The following CCBE1 variants were observed in gnomAD, a reference collection of about 807,000 sequenced individuals.
CCBE1 encodes the protein collagen and calcium-binding EGF domain-containing protein 1.
A neutral mutation model predicts 50.0 loss-of-function variants in CCBE1; 37 were observed. That is an observed-to-expected ratio of 0.74 (90% confidence interval 0.57 to 0.97). The LOEUF is 0.97. Among genes scored for constraint, CCBE1 ranks in the 50% least tolerant of loss-of-function variants. The pLI is 0.00. For missense variants in CCBE1, 538 were observed against 523.8 expected (o/e 1.03, Z -0.26); for synonymous variants, 234 against 203.7 (o/e 1.15, Z -1.27).
intron 2 of CCBE1, among the ~76,000 whole-genome samples, chr18:59,611,698 A>T (rs1202750577): frequency 2.0e-5 from 3 of 152,144 alleles, no homozygotes; most frequent in East Asian, 3.9e-4. Flanking sequence ...GTGAACCAAG[A>T]TTGTGCCACT....
intron 5 of CCBE1, among the ~76,000 whole-genome samples, chr18:59,456,154 G>C (rs1290675026): frequency 6.6e-6 from 1 of 152,156 alleles, no homozygotes; most frequent in Non-Finnish European, 1.5e-5. Context: ...CTCACAGGCT[G>C]GTCTTCTAGG....
chr18:59,436,115 C>T lies in CCBE1; in HGVS notation c.1014G>A (p.Leu338=). The change falls in exon 11 of 11, where the codon CTG becomes CTA. Residue 338 remains leucine, a synonymous_variant. Transcript: ENST00000439986. The stretch of plus-strand genomic sequence containing the variant: ...TGCGGATGTCAGCCAGCATAAGTAG[C>T]AGGAAGTCGAAAGAACCAGGGGGTC... ...SPGPPGSFDF[L]LLMLADIRND... The T allele has an allele frequency of 1.2e-6, 2 of 1,614,176 alleles. No individual in the cohort carries two copies. The highest frequency in any genetic ancestry group is 1.7e-6 in the Non-Finnish European group (2 of 1,180,036).
chr18:59,510,434 T>C (rs911740737), intron 2 of CCBE1, among the ~76,000 whole-genome samples: 1 of 152,208 alleles, frequency 6.6e-6, no homozygotes, highest in Admixed American at 6.5e-5. Context: ...AACTTTTTTT[T>C]TTTTGAGATG....
At chr18:59,619,199 T>C (rs1422248582) in intron 2 of CCBE1, among the ~76,000 whole-genome samples, 2 of 152,228 alleles carry the variant, frequency 1.3e-5, no homozygotes, top group African/African-American at 2.4e-5. Context: ...TAAAATAAAA[T>C]TTTAAAACGT....
At chr18:59,574,533 C>T (rs1029374578) in intron 2 of CCBE1, among the ~76,000 whole-genome samples, 1 of 152,122 alleles carries the variant, frequency 6.6e-6, no homozygotes, top group East Asian at 1.9e-4. Flanking sequence ...AACTTCCTCC[C>T]AAAAGTTATT....
At chr18:59,457,985 CCCAGGCT>C (rs1207961885) in intron 5 of CCBE1, among the ~76,000 whole-genome samples, 1 of 152,202 alleles carries the variant, frequency 6.6e-6, no homozygotes, top group East Asian at 1.9e-4. Flanking sequence ...GAAAAGATGA[CCCAGGCT>C]CCAGGTTTAT....
At chr18:59,586,294 G>A (rs753236811) in intron 2 of CCBE1, among the ~76,000 whole-genome samples, 3 of 152,182 alleles carry the variant, frequency 2.0e-5, no homozygotes, top group Non-Finnish European at 4.4e-5. Context: ...ACCACAGGGA[G>A]GCTAGTAGCA....
Position 59,588,253 on chromosome 18 carries a change from C to T in CCBE1, c.213-108015G>A, listed in dbSNP as rs374859812. Reference sequence around the variant, plus strand: ...CTGACATGTGTGCAGACCACATAACCACCACTTGGATTAAGAGGTAAATAT... The same window carrying T: ...CTGACATGTGTGCAGACCACATAACTACCACTTGGATTAAGAGGTAAATAT... On this transcript the variant is annotated intron_variant, in intron 2 of 10. Transcript: ENST00000439986. Among the ~76,000 whole-genome samples, 4 of 152,226 alleles carry T rather than the reference C, an allele frequency of 2.6e-5. No individual in the cohort carries two copies. In the South Asian group the frequency reaches 8.3e-4, roughly 32 times the overall value.
chr18:59,538,847 T>A (rs955569088), intron 2 of CCBE1, among the ~76,000 whole-genome samples: 1 of 152,074 alleles, frequency 6.6e-6, no homozygotes, highest in Non-Finnish European at 1.5e-5. Flanking sequence ...AACCAGCAGA[T>A]ATGGCAAGGT....
chr18:59,515,232 C>T (rs1219467355), intron 2 of CCBE1, among the ~76,000 whole-genome samples: 2 of 152,194 alleles, frequency 1.3e-5, no homozygotes, highest in Non-Finnish European at 1.5e-5. Flanking sequence ...GTAAAGTTTG[C>T]TAGCTGGCAT....
intron 2 of CCBE1, among the ~76,000 whole-genome samples, chr18:59,553,501 A>G (rs1175308349): frequency 6.6e-6 from 1 of 152,212 alleles, no homozygotes. Context: ...TGGTCCCTGA[A>G]TGGATATGGA....
At chr18:59,517,922 A>G (rs1459070320) in intron 2 of CCBE1, among the ~76,000 whole-genome samples, 3 of 152,210 alleles carry the variant, frequency 2.0e-5, no homozygotes, top group Non-Finnish European at 4.4e-5. Flanking sequence ...TCACAAGATC[A>G]TTATGTCCAG....
intron 2 of CCBE1, among the ~76,000 whole-genome samples, chr18:59,663,619 G>C (rs181556656): frequency 2.9e-4 from 44 of 152,010 alleles, no homozygotes; most frequent in African/African-American, 1.0e-3. Flanking sequence ...AGCAGAGCTG[G>C]GTACGTTTGG....
intron 2 of CCBE1, among the ~76,000 whole-genome samples, chr18:59,655,595 T>G (rs557139907): frequency 1.3e-5 from 2 of 152,346 alleles, no homozygotes; most frequent in Middle Eastern, 3.4e-3. Context: ...AATGCAGCCA[T>G]AGACAACATG....
At chr18:59,471,690 A>G (rs1912042262) in intron 3 of CCBE1, among the ~76,000 whole-genome samples, 1 of 152,212 alleles carries the variant, frequency 6.6e-6, no homozygotes, top group Non-Finnish European at 1.5e-5. Flanking sequence ...TGGAGACCAC[A>G]TTATTCCTGT....
At chr18:59,556,577 G>A (rs1051104530) in intron 2 of CCBE1, among the ~76,000 whole-genome samples, 1 of 152,182 alleles carries the variant, frequency 6.6e-6, no homozygotes, top group African/African-American at 2.4e-5. Context: ...CAGGGCACAA[G>A]TAGAAGGGCA....
chr18:59,627,191 G>A (rs1444717589), intron 2 of CCBE1, among the ~76,000 whole-genome samples: 1 of 152,126 alleles, frequency 6.6e-6, no homozygotes, highest in Admixed American at 6.5e-5. Context: ...ATCCTGCTTA[G>A]TTTCCTAGTG....
intron 2 of CCBE1, among the ~76,000 whole-genome samples, chr18:59,528,682 T>C (rs1598982345): frequency 6.6e-6 from 1 of 152,326 alleles, no homozygotes; most frequent in South Asian, 2.1e-4. Context: ...CTGTTGTTAT[T>C]GCTGTTTGTT....
chr18:59,678,661 TAACA>T (rs199554435), intron 2 of CCBE1, among the ~76,000 whole-genome samples: 6,455 of 152,208 alleles, frequency 0.042, 320 homozygotes, highest in African/African-American at 0.11. Context: ...GCCTCCTGAG[TAACA>T]GGGATTACAG....
Sources: gnomAD v4.1 joint callset for allele counts (sites outside exome capture counted in the v4.1 genomes callset) on GRCh38, gnomAD v4.1.1 for gene constraint, MANE v1.5 for transcripts, NCBI Gene and HGNC (gene_info 2026-07-23, HGNC 2026-07-21) for gene names.